LEPR: variants seen among roughly 807,000 people sequenced by gnomAD.
The protein encoded by LEPR is leptin receptor, also known as OB receptor.
LEPR carries 56 observed loss-of-function variants against 114.7 expected under a neutral mutation model. The observed-to-expected ratio is 0.49, with a 90% CI of 0.39 to 0.61. The LOEUF (loss-of-function observed/expected upper bound fraction) is 0.61, where lower values mean the gene tolerates loss of function less well. Among genes scored for constraint, LEPR ranks in the 20% least tolerant of loss-of-function variants. The pLI is 0.00. For missense variants in LEPR, 1,202 were observed against 1,352.9 expected, an observed-to-expected ratio of 0.89 and a Z score of 1.75; for synonymous variants, 443 against 461.4, an observed-to-expected ratio of 0.96 and a Z score of 0.51.
At chr1:65,422,332 T>C (rs1239697560) in intron 1 of LEPR, among the ~76,000 whole-genome samples, 3 of 88,216 alleles carry the variant, frequency 3.4e-5, no homozygotes, top group African/African-American at 3.9e-5. Flanking sequence ...GCACCAAAGA[T>C]TGTTGGCAAC....
In LEPR at chr1:65,610,200, T is replaced by C. The variant is rs1316274939; in HGVS notation, c.1913-14T>C. The C allele has an allele frequency of 6.2e-7, 1 of 1,613,940 alleles. No individual in the cohort carries two copies. Among genetic ancestry groups the C allele is most frequent in the Non-Finnish European group, 8.5e-7 (1 of 1,179,940 alleles). ...ATTTCTTCAAAAACATATACACAAC[T>C]TGTCATTTTGCAGTTCCTATGAGAG... On this transcript the variant is annotated splice_polypyrimidine_tract_variant and intron_variant, in intron 13 of 19. Transcript: ENST00000349533.
intron 2 of LEPR, among the ~76,000 whole-genome samples, chr1:65,521,735 A>T (rs1403365735): frequency 6.6e-6 from 1 of 152,218 alleles, no homozygotes; most frequent in Non-Finnish European, 1.5e-5. Context: ...TTTTTCCATG[A>T]GGACTTAAAA....
rs183587207 is a variant in LEPR, at chr1:65,569,772, A to T, written c.41-701A>T. Among the ~76,000 whole-genome samples the T allele has an allele frequency of 8.8e-4, 132 of 150,436 alleles. 1 individual carries two copies. In the East Asian group the frequency reaches 0.02, roughly 22 times the overall value. On this transcript the variant is annotated intron_variant, in intron 3 of 19. Transcript: ENST00000349533. ...ACTTTTGCAGATCTTTTGGTACAGG[A>T]TTATATAATTGTTCTTAATTTTTAT...
At chr1:65,489,819 A>G (rs1647770453) in intron 2 of LEPR, among the ~76,000 whole-genome samples, 1 of 152,082 alleles carries the variant, frequency 6.6e-6, no homozygotes, top group Non-Finnish European at 1.5e-5. Flanking sequence ...CTGTAATTCC[A>G]ATTTGTTGGG....
In LEPR at chr1:65,608,834, T is replaced by C. The variant is rs1295235231; in HGVS notation, c.1685T>C (p.Val562Ala). The C allele has an allele frequency of 6.2e-7, 1 of 1,613,656 alleles. No homozygotes were observed. Among genetic ancestry groups the C allele is most frequent in the Non-Finnish European group, 8.5e-7 (1 of 1,179,848 alleles). ...TTGAAAATATCTTGGGAAAAGCCAG[T>C]CTTTCCAGAGAATAACCTTCAATTC... ...GLLKISWEKPVFPENNLQFQI... is the reference protein window; with the variant it reads ...GLLKISWEKPAFPENNLQFQI... The change falls in exon 12 of 20, where the codon GTC becomes GCC. Residue 562 changes from valine to alanine, a missense_variant. Coordinates refer to ENST00000349533, the MANE Select transcript of LEPR (RefSeq NM_002303.6).
At chr1:65,615,984 A>G in intron 14 of LEPR, 24 bp from the exon 15 acceptor site, 1 of 1,613,846 alleles carries the variant, frequency 6.2e-7, no homozygotes. Flanking sequence ...CCCTTAAACT[A>G]ATCAATTTCT....
At chr1:65,591,699 A>T (rs1180805672) in intron 5 of LEPR, among the ~76,000 whole-genome samples, 1 of 151,548 alleles carries the variant, frequency 6.6e-6, no homozygotes. Context: ...ATTTCCTTTT[A>T]TTTGTGTTTA....
rs1475561683 is a variant in LEPR at position 65,637,053 on chromosome 1, G to A, written c.*38G>A. 1.1e-5 allele frequency: 17 copies of A among 1,585,036 alleles called. No individual in the cohort carries two copies. Among genetic ancestry groups the A allele is most frequent in the African/African-American group, 1.4e-5 (1 of 72,326 alleles). ...AACCTTCAGATTTGTGTTATAATGG[G>A]TAATATAAAGTGTAATAGATTATAG... On this transcript the variant is annotated 3_prime_UTR_variant, in exon 20 of 20. Coordinates refer to ENST00000349533, the MANE Select transcript of LEPR (RefSeq NM_002303.6).
At chr1:65,554,684 C>A (rs1248075558) in intron 2 of LEPR, among the ~76,000 whole-genome samples, 1 of 152,204 alleles carries the variant, frequency 6.6e-6, no homozygotes, top group Non-Finnish European at 1.5e-5. Flanking sequence ...CCATTTGACT[C>A]CCTGGCTTCA....
At chr1:65,579,083 G>A (rs1446117290) in intron 5 of LEPR, among the ~76,000 whole-genome samples, 2 of 152,296 alleles carry the variant, frequency 1.3e-5, no homozygotes, top group Admixed American at 1.3e-4. Flanking sequence ...TAGTGTCTCA[G>A]ATGTAGTTAT....
rs1361539615 is a variant in LEPR at position 65,453,937 on chromosome 1, C to A, written c.-21+28559C>A. ...AGTCTAAGTCTCTTTGTAGGTCACT[C>A]AGGACTTGCTTTATGAATCTGGGTG... On this transcript the variant is annotated intron_variant, in intron 2 of 19. Coordinates refer to ENST00000349533, the MANE Select transcript of LEPR (RefSeq NM_002303.6). Among the ~76,000 whole-genome samples the A allele has an allele frequency of 2.0e-5, 3 of 151,078 alleles. No individual in the cohort carries two copies. In the East Asian group the frequency reaches 5.8e-4, roughly 29 times the overall value.
intron 17 of LEPR, 116 bp from the exon 18 acceptor site, chr1:65,621,237 G>C (rs955666077): frequency 2.6e-6 from 2 of 772,228 alleles, no homozygotes; most frequent in Non-Finnish European, 2.1e-6. Context: ...TTATATTTTT[G>C]AAGGTAATAA....
At chr1:65,496,899 A>T (rs1446210011) in intron 2 of LEPR, among the ~76,000 whole-genome samples, 2 of 152,034 alleles carry the variant, frequency 1.3e-5, no homozygotes, top group African/African-American at 4.8e-5. Flanking sequence ...CTCATTCCAG[A>T]CCTGAATTAG....
At chr1:65,628,505 A>G (rs905082756) in intron 19 of LEPR, among the ~76,000 whole-genome samples, 3 of 152,178 alleles carry the variant, frequency 2.0e-5, no homozygotes, top group Admixed American at 6.5e-5. Flanking sequence ...GTGTGTATCC[A>G]TGACCAATGA....
At chr1:65,609,085 A>C (rs1657006461) in intron 12 of LEPR, among the ~76,000 whole-genome samples, 184 bp downstream of exon 12, 1 of 152,222 alleles carries the variant, frequency 6.6e-6, no homozygotes, top group Non-Finnish European at 1.5e-5. Flanking sequence ...CCTGAAATCC[A>C]TCATTCCCTG....
chr1:65,431,867 G>A, intron 2 of LEPR: 1 of 1,614,064 alleles, frequency 6.2e-7, no homozygotes, highest in Non-Finnish European at 8.5e-7. Flanking sequence ...ACAATTCAAG[G>A]GTTTTTCCTT....
intron 2 of LEPR, among the ~76,000 whole-genome samples, chr1:65,454,827 C>T (rs1385279438): frequency 6.6e-6 from 1 of 152,122 alleles, no homozygotes; most frequent in African/African-American, 2.4e-5. Context: ...TGAATGTTAG[C>T]CTGCCTTGCT....
At chr1:65,443,453 A>G (rs1360432291) in intron 2 of LEPR, among the ~76,000 whole-genome samples, 1 of 150,640 alleles carries the variant, frequency 6.6e-6, no homozygotes, top group East Asian at 1.9e-4. Context: ...ATATATATAT[A>G]ATTTTATATA....
chr1:65,593,275 A>C (rs547560582), intron 6 of LEPR, among the ~76,000 whole-genome samples: 1 of 152,114 alleles, frequency 6.6e-6, no homozygotes, highest in Non-Finnish European at 1.5e-5. Context: ...GACATTAGAC[A>C]TAGTTCCCAC....
Sources: gnomAD v4.1 joint callset for allele counts (sites outside exome capture counted in the v4.1 genomes callset) on GRCh38, gnomAD v4.1.1 for gene constraint, MANE v1.5 for transcripts, NCBI Gene and HGNC (gene_info 2026-07-23, HGNC 2026-07-21) for gene names.